Variants in TMEM178B observed in about 807,000 individuals in gnomAD.
The protein encoded by TMEM178B is transmembrane protein 178B.
Under a neutral mutation model 31.0 loss-of-function variants are expected in TMEM178B, and 5 were observed. The observed-to-expected ratio is 0.16, with a 90% CI of 0.08 to 0.34. TMEM178B has a LOEUF of 0.34. TMEM178B is among the 10% of genes least tolerant of loss of function. The pLI, the probability that TMEM178B is intolerant of heterozygous loss-of-function variation, is 1.00. For missense variants in TMEM178B, 275 were observed against 400.3 expected, an observed-to-expected ratio of 0.69 and a Z score of 2.67; for synonymous variants, 164 against 164.0, an observed-to-expected ratio of 1.00 and a Z score of 0.00.
chr7:141,463,852 A>T (rs1802103588), intron 3 of TMEM178B, among the ~76,000 whole-genome samples: 2 of 152,248 alleles, frequency 1.3e-5, no homozygotes, highest in South Asian at 4.1e-4. Context: ...GGATGCACTC[A>T]GGTAAGGCCA....
At chr7:141,230,192 C>G (rs149182630) in intron 2 of TMEM178B, among the ~76,000 whole-genome samples, 6 of 152,192 alleles carry the variant, frequency 3.9e-5, no homozygotes, top group Non-Finnish European at 7.4e-5. Context: ...AATCTTTGAT[C>G]ATATTTCTGA....
intron 1 of TMEM178B, among the ~76,000 whole-genome samples, chr7:141,150,387 C>T (rs2129180416): frequency 6.6e-6 from 1 of 152,286 alleles, no homozygotes; most frequent in Non-Finnish European, 1.5e-5. Flanking sequence ...GTTTCTTTTA[C>T]TTTAACTGGG....
Position 141,074,625 on chromosome 7 carries a change from C to T in TMEM178B, c.315C>T (p.Asn105=). Reference sequence around the variant, plus strand: ...GCAGCCGGCAGTACAACTCCACCAACATGGGCCTCTGGAGGAAGTGCCACC... The same window carrying T: ...GCAGCCGGCAGTACAACTCCACCAATATGGGCCTCTGGAGGAAGTGCCACC... ...DECSRQYNST[N]MGLWRKCHRQ... is the part of the protein sequence containing the mutation. Residue 105 remains asparagine, a synonymous_variant, in exon 1 of 4, where the codon AAC becomes AAT. Coordinates refer to ENST00000565468, the MANE Select transcript of TMEM178B (RefSeq NM_001195278.2). The surrounding 1 kb of genome is among the most constrained non-coding windows in gnomAD (Gnocchi z 5.1). 6.5e-7 allele frequency: 1 copy of T among 1,533,424 alleles called. No homozygotes were observed. Among genetic ancestry groups the T allele is most frequent in the Non-Finnish European group, 8.7e-7 (1 of 1,144,860 alleles). The allele number at this position is 1,533,424 out of a possible 1,614,324, so 95.0% of individuals were successfully genotyped here.
chr7:141,110,024 A>C (rs1223060678), intron 1 of TMEM178B, among the ~76,000 whole-genome samples: 2 of 152,252 alleles, frequency 1.3e-5, no homozygotes, highest in Non-Finnish European at 2.9e-5. Context: ...TTATTGATTA[A>C]AAGATAAATA....
At chr7:141,462,899 G>T (rs1360749570) in intron 3 of TMEM178B, among the ~76,000 whole-genome samples, 3 of 151,924 alleles carry the variant, frequency 2.0e-5, no homozygotes, top group Non-Finnish European at 4.4e-5. Context: ...GTGATGTTGT[G>T]GATGTGATTC....
intron 2 of TMEM178B, among the ~76,000 whole-genome samples, chr7:141,232,465 G>T (rs1026343741): frequency 6.6e-6 from 1 of 152,124 alleles, no homozygotes. Context: ...AACCTTGCCA[G>T]CATCTGTTGT....
intron 2 of TMEM178B, among the ~76,000 whole-genome samples, chr7:141,291,414 C>T (rs1416675782): frequency 2.0e-5 from 3 of 152,112 alleles, no homozygotes; most frequent in Admixed American, 6.5e-5. Context: ...TGTGTGCCCC[C>T]GTTCCTGGAA....
At chr7:141,172,019 G>A (rs1432077626) in intron 1 of TMEM178B, among the ~76,000 whole-genome samples, 1 of 152,172 alleles carries the variant, frequency 6.6e-6, no homozygotes, top group Admixed American at 6.5e-5. Context: ...CACCGTAGTA[G>A]GTGCTTGATA....
At chr7:141,337,285 A>G (rs995223728) in intron 2 of TMEM178B, among the ~76,000 whole-genome samples, 1 of 134,112 alleles carries the variant, frequency 7.5e-6, no homozygotes, top group African/African-American at 2.9e-5. Context: ...CACCACTACC[A>G]CCACCATCCC....
At chr7:141,387,722 G>T (rs1800459547) in intron 2 of TMEM178B, among the ~76,000 whole-genome samples, 2 of 152,114 alleles carry the variant, frequency 1.3e-5, no homozygotes, top group African/African-American at 4.8e-5. Context: ...CTGCCCACCT[G>T]CCCACCTCCT....
chr7:141,393,644 A>G (rs1329800470), intron 2 of TMEM178B, among the ~76,000 whole-genome samples: 2 of 152,220 alleles, frequency 1.3e-5, no homozygotes, highest in African/African-American at 4.8e-5. Context: ...AAAGGTCCAA[A>G]GAGAGACGAC....
chr7:141,362,456 T>C (rs1324005531), intron 2 of TMEM178B, among the ~76,000 whole-genome samples: 2 of 152,140 alleles, frequency 1.3e-5, no homozygotes, highest in African/African-American at 2.4e-5. Context: ...ATAAAACCGC[T>C]GCTTTCCTCT....
chr7:141,360,893 C>G (rs1450804542), intron 2 of TMEM178B, among the ~76,000 whole-genome samples: 2 of 151,750 alleles, frequency 1.3e-5, no homozygotes, highest in Non-Finnish European at 2.9e-5. Context: ...ATCCAATACT[C>G]CATGGTGGAA....
At chr7:141,093,612 A>G (rs1794912808) in intron 1 of TMEM178B, among the ~76,000 whole-genome samples, 1 of 152,194 alleles carries the variant, frequency 6.6e-6, no homozygotes, top group African/African-American at 2.4e-5. Context: ...TGGAAGAGAA[A>G]ATATCCAAAG....
intron 1 of TMEM178B, among the ~76,000 whole-genome samples, chr7:141,128,077 C>T (rs1795534972): frequency 1.3e-5 from 2 of 152,086 alleles, no homozygotes; most frequent in Admixed American, 1.3e-4. Flanking sequence ...ATTATTGTCC[C>T]CTTACTGATA....
At chr7:141,445,817 ATCT>A (rs1253513436) in intron 3 of TMEM178B, among the ~76,000 whole-genome samples, 1 of 152,174 alleles carries the variant, frequency 6.6e-6, no homozygotes, top group Non-Finnish European at 1.5e-5. Flanking sequence ...CATAAAACCC[ATCT>A]TCTTACCCTG....
intron 2 of TMEM178B, among the ~76,000 whole-genome samples, chr7:141,390,113 T>A (rs1031919532): frequency 1.3e-5 from 2 of 149,950 alleles, no homozygotes; most frequent in African/African-American, 2.5e-5. Context: ...ATTCCCTTTT[T>A]AAAAAAAAAG....
chr7:141,274,467 C>A (rs1798234820), intron 2 of TMEM178B, among the ~76,000 whole-genome samples: 1 of 152,202 alleles, frequency 6.6e-6, no homozygotes, highest in African/African-American at 2.4e-5. Context: ...TCATAAATCA[C>A]TCCTGGAAAT....
chr7:141,247,683 T>C (rs1021498035), intron 2 of TMEM178B, among the ~76,000 whole-genome samples: 2 of 152,168 alleles, frequency 1.3e-5, no homozygotes, highest in Non-Finnish European at 2.9e-5. Flanking sequence ...GCAGATTCTC[T>C]AAAAGGTGGG....
Sources: allele counts gnomAD v4.1 joint callset (sites outside exome capture counted in the v4.1 genomes callset), GRCh38; gene constraint gnomAD v4.1.1; non-coding constraint Gnocchi (gnomAD v3.1); transcripts MANE v1.5; gene names NCBI Gene and HGNC (gene_info 2026-07-23, HGNC 2026-07-21).